The following THOC1 variants were observed in gnomAD, a reference collection of about 807,000 sequenced individuals.
THOC1 encodes THO complex 1.
Under a neutral mutation model 97.3 loss-of-function variants are expected in THOC1, and 29 were observed. The observed-to-expected ratio is 0.30, with a 90% CI of 0.22 to 0.41. The LOEUF is 0.41. THOC1 is among the 10% of genes least tolerant of loss of function. THOC1 has a pLI of 1.00. For synonymous variants in THOC1, 255 were observed against 257.0 expected (o/e 0.99, Z 0.07); for missense variants, 529 against 761.9 (o/e 0.69, Z 3.60).
At chr18:257,653 A>C (rs1047552372) in intron 7 of THOC1, among the ~76,000 whole-genome samples, 1 of 152,322 alleles carries the variant, frequency 6.6e-6, no homozygotes, top group African/African-American at 2.4e-5. Context: ...CCAGACACAC[A>C]AAGAGGCAAG....
intron 16 of THOC1, 60 bp downstream of exon 16, chr18:224,024 T>A: frequency 8.2e-7 from 1 of 1,217,666 alleles, no homozygotes; most frequent in South Asian, 1.3e-5. Flanking sequence ...GTTCTTAAAG[T>A]AACATCTTCA....
At chr18:236,804 G>C (rs541654929) in intron 11 of THOC1, among the ~76,000 whole-genome samples, 6 of 152,170 alleles carry the variant, frequency 3.9e-5, no homozygotes, top group Non-Finnish European at 7.3e-5. Flanking sequence ...TTGAGCCCCA[G>C]TGAGGTACAG....
At position 221,289 on chromosome 18, in the gene THOC1, CTAGATGG is replaced by C. The variant is rs1911068145; in HGVS notation, c.1370+2144_1370+2150del. Among the ~76,000 whole-genome samples the C allele has an allele frequency of 2.6e-5, 4 of 152,166 alleles. No individual in the cohort carries two copies. The South Asian group carries it at 8.3e-4, about 32-fold the overall frequency. On this transcript the variant is annotated intron_variant, in intron 17 of 20. Transcript: ENST00000261600. Reference sequence around the variant, plus strand: ...CTGAGAAAGGTCTGTCAAAATCCTACTAGATGGTAGGTTTTCTGGGTGGTGGTGGATG... The same window carrying C: ...CTGAGAAAGGTCTGTCAAAATCCTACTAGGTTTTCTGGGTGGTGGTGGATG...
chr18:265,571 G>T, intron 1 of THOC1, 41 bp from the exon 2 acceptor site: 1 of 1,470,014 alleles, frequency 6.8e-7, no homozygotes, highest in Non-Finnish European at 9.2e-7. Flanking sequence ...TAAAGATTTT[G>T]CTTATTATTT....
chr18:215,600 G>A, intron 19 of THOC1, 96 bp from the exon 20 acceptor site: 1 of 967,982 alleles, frequency 1.0e-6, no homozygotes, highest in Non-Finnish European at 1.6e-6. Context: ...GAGATTCCAA[G>A]TACAGGGTGC....
chr18:235,684 T>C (rs954698895), intron 11 of THOC1, among the ~76,000 whole-genome samples: 2 of 152,214 alleles, frequency 1.3e-5, no homozygotes, highest in African/African-American at 4.8e-5. Context: ...GAATTCTAAT[T>C]TGATTACAGA....
chr18:260,700 T>C (rs140812316), intron 4 of THOC1: 1 of 152,792 alleles, frequency 6.5e-6, no homozygotes, highest in Admixed American at 6.5e-5. Context: ...CAGTAAGTGG[T>C]AGAGCTGGGA....
chr18:215,401 TAAA>T (rs1410515535), intron 20 of THOC1, 25 bp downstream of exon 20: 8 of 1,588,740 alleles, frequency 5.0e-6, no homozygotes, highest in Non-Finnish European at 6.9e-6. Context: ...TCAATTTTGT[TAAA>T]TAACCAAGAA....
chr18:227,914 A>C (rs987982048), intron 11 of THOC1, among the ~76,000 whole-genome samples: 19 of 151,870 alleles, frequency 1.3e-4, no homozygotes, highest in African/African-American at 4.6e-4. Flanking sequence ...CCTATTCACT[A>C]GCAACCCCTT....
chr18:237,594 C>T (rs1387761027), intron 11 of THOC1, among the ~76,000 whole-genome samples: 1 of 151,458 alleles, frequency 6.6e-6, no homozygotes, highest in Non-Finnish European at 1.5e-5. Flanking sequence ...TACCCATTTT[C>T]TCCCCAGATT....
rs758997442 is a variant in THOC1, at chr18:264,109, A to C, written c.190-17T>G. On this transcript the variant is annotated splice_polypyrimidine_tract_variant and intron_variant, in intron 3 of 20. Transcript: ENST00000261600. ...ATGATTTATCTACCAACAGAGGAGA[A>C]ACAATTTAATTTAGGGGCAAGAGTT... 6.3e-7 allele frequency: 1 copy of C among 1,592,602 alleles called. No individual in the cohort carries two copies. Among genetic ancestry groups the C allele is most frequent in the Non-Finnish European group, 8.6e-7 (1 of 1,164,008 alleles).
intron 1 of THOC1, among the ~76,000 whole-genome samples, chr18:266,070 G>A (rs1179565777): frequency 1.3e-5 from 2 of 152,110 alleles, no homozygotes; most frequent in African/African-American, 4.8e-5. Context: ...GTCAGGTCTC[G>A]CCTCCTGGAG....
At position 257,525 on chromosome 18, in the gene THOC1, A is replaced by G. The variant is rs533929132; in HGVS notation, c.520+1655T>C. ...CTGACAGATACAGAAACAAATACAG[A>G]TGAGTATGGTTAGTATACACATATG... is the stretch of plus-strand genomic sequence containing the variant. On this transcript the variant is annotated intron_variant, in intron 7 of 20. Coordinates refer to ENST00000261600, the MANE Select transcript of THOC1 (RefSeq NM_005131.3). Among the ~76,000 whole-genome samples, 4 of 152,264 alleles carry G rather than the reference A, an allele frequency of 2.6e-5. No homozygotes were observed. In the South Asian group the frequency reaches 8.3e-4, roughly 32 times the overall value.
intron 11 of THOC1, among the ~76,000 whole-genome samples, chr18:241,070 T>G (rs528439953): frequency 2.5e-4 from 38 of 152,292 alleles, no homozygotes; most frequent in African/African-American, 8.9e-4. Flanking sequence ...TAAATACAGA[T>G]GAAGCTTCGC....
At chr18:219,859 G>A (rs896039312) in intron 17 of THOC1, among the ~76,000 whole-genome samples, 1 of 152,038 alleles carries the variant, frequency 6.6e-6, no homozygotes, top group East Asian at 1.9e-4. Context: ...ACCATAATAC[G>A]ATTTCAAGGG....
intron 9 of THOC1, among the ~76,000 whole-genome samples, chr18:252,258 G>A (rs1484591864): frequency 1.3e-5 from 2 of 152,144 alleles, no homozygotes; most frequent in African/African-American, 4.8e-5. Context: ...GGGATTAAGG[G>A]GAGGAGCTCC....
intron 17 of THOC1, among the ~76,000 whole-genome samples, chr18:220,335 C>G (rs530060357): frequency 6.6e-6 from 1 of 152,282 alleles, no homozygotes; most frequent in East Asian, 1.9e-4. Flanking sequence ...ATAAGTAAAG[C>G]TAATGCTTCA....
At chr18:223,365 C>T in intron 17 of THOC1, 75 bp downstream of exon 17, 5 of 1,227,528 alleles carry the variant, frequency 4.1e-6, no homozygotes, top group Non-Finnish European at 4.6e-6. Context: ...GAGCTCTGAT[C>T]ATAGCTGAGA....
intron 11 of THOC1, among the ~76,000 whole-genome samples, chr18:241,853 C>T (rs192572352): frequency 1.3e-5 from 2 of 152,252 alleles, no homozygotes; most frequent in African/African-American, 2.4e-5. Context: ...AAAATCCTCC[C>T]TTAACATTTC....
Sources: gnomAD v4.1 joint callset for allele counts (sites outside exome capture counted in the v4.1 genomes callset) on GRCh38, gnomAD v4.1.1 for gene constraint, MANE v1.5 for transcripts, NCBI Gene and HGNC (gene_info 2026-07-23, HGNC 2026-07-21) for gene names.